Variants in VRK2 observed in about 807,000 individuals in gnomAD.
VRK2 encodes VRK serine/threonine kinase 2, also known as serine/threonine-protein kinase VRK2.
In VRK2, 60 loss-of-function variants were observed where a neutral mutation model predicts 57.6. That is an observed-to-expected ratio of 1.04 (90% CI 0.85 to 1.29). VRK2 has a LOEUF of 1.29. VRK2 is among the 50% of genes most tolerant of loss of function. The pLI is 0.00. For missense variants in VRK2, 705 were observed against 588.1 expected, an observed-to-expected ratio of 1.20 and a Z score of -2.06; for synonymous variants, 231 against 199.2, an observed-to-expected ratio of 1.16 and a Z score of -1.35.
At chr2:57,908,304 C>A (rs990843501) in intron 1 of VRK2, among the ~76,000 whole-genome samples, 5 of 152,004 alleles carry the variant, frequency 3.3e-5, no homozygotes, top group Non-Finnish European at 7.4e-5. Context: ...CTTTTGCCAC[C>A]CATTATTTTC....
intron 1 of VRK2, among the ~76,000 whole-genome samples, chr2:57,944,826 T>TC (rs1053327086): frequency 1.3e-5 from 2 of 151,450 alleles, no homozygotes; most frequent in African/African-American, 4.9e-5. Flanking sequence ...CTTGTTCCCT[T>TC]TTTTTCAAGA....
intron 2 of VRK2, among the ~76,000 whole-genome samples, chr2:58,070,434 G>A (rs1179026064): frequency 5.3e-5 from 8 of 152,034 alleles, no homozygotes; most frequent in Non-Finnish European, 1.2e-4. Flanking sequence ...TAATTTCACT[G>A]CCTTGAAATT....
At chr2:57,964,011 T>C (rs2104004396) in intron 1 of VRK2, among the ~76,000 whole-genome samples, 1 of 152,290 alleles carries the variant, frequency 6.6e-6, no homozygotes, top group East Asian at 1.9e-4. Context: ...TTCATTTTTC[T>C]TCCTAAGCTT....
intron 1 of VRK2, among the ~76,000 whole-genome samples, chr2:57,942,865 T>C (rs181911606): frequency 3.5e-4 from 54 of 152,312 alleles, no homozygotes; most frequent in African/African-American, 1.0e-3. Flanking sequence ...GGCTCCTGCA[T>C]ATATCTCTTG....
chr2:58,012,708 T>C (rs879129870), intron 1 of VRK2, among the ~76,000 whole-genome samples: 4 of 152,104 alleles, frequency 2.6e-5, no homozygotes, highest in Admixed American at 2.6e-4. Flanking sequence ...AATAACAAAA[T>C]ACACACCAGA....
At chr2:58,046,465 G>A, upstream of VRK2, 1 of 982,892 alleles carries the variant, frequency 1.0e-6, no homozygotes, top group Non-Finnish European at 1.2e-6. Flanking sequence ...GTAGTACTCA[G>A]GTTGTGGTAC....
intron 2 of VRK2, among the ~76,000 whole-genome samples, chr2:58,082,623 A>T (rs1253756363): frequency 6.6e-6 from 1 of 151,842 alleles, no homozygotes; most frequent in Non-Finnish European, 1.5e-5. Flanking sequence ...TACTTTCTTA[A>T]GTTTTCTTCT....
intron 2 of VRK2, among the ~76,000 whole-genome samples, chr2:58,061,133 CA>C (rs1336486837): frequency 1.3e-5 from 2 of 151,512 alleles, no homozygotes; most frequent in Non-Finnish European, 3.0e-5. Flanking sequence ...TGTAGAGTTT[CA>C]TAACAAAATT....
chr2:58,137,119 A>G (rs1202477751), intron 10 of VRK2, among the ~76,000 whole-genome samples: 1 of 91,590 alleles, frequency 1.1e-5, no homozygotes, highest in African/African-American at 4.8e-5. Context: ...CATATATCAT[A>G]TATGTGTATA....
intron 1 of VRK2, among the ~76,000 whole-genome samples, chr2:57,952,787 T>C (rs922936687): frequency 4.7e-5 from 7 of 149,704 alleles, no homozygotes; most frequent in Non-Finnish European, 7.4e-5. Context: ...AAATATTGCA[T>C]TGTTAATTGA....
At chr2:58,131,528 G>T (rs767823350) in intron 8 of VRK2, among the ~76,000 whole-genome samples, 2 of 152,010 alleles carry the variant, frequency 1.3e-5, no homozygotes, top group Admixed American at 1.3e-4. Context: ...TCATGTCAGA[G>T]GCCATGGGGA....
chr2:58,080,669 A>T (rs938968205), intron 2 of VRK2, among the ~76,000 whole-genome samples: 8 of 151,648 alleles, frequency 5.3e-5, no homozygotes, highest in African/African-American at 1.9e-4. Flanking sequence ...TATTTGTTCT[A>T]GTCTTTTAAA....
chr2:57,980,606 AATG>A (rs1672392199), intron 1 of VRK2, among the ~76,000 whole-genome samples: 1 of 152,094 alleles, frequency 6.6e-6, no homozygotes, highest in Non-Finnish European at 1.5e-5. Context: ...TTTCTGTCCT[AATG>A]ATTTGTCCAA....
chr2:58,137,120 T>C (rs1324890500), intron 10 of VRK2, among the ~76,000 whole-genome samples: 2 of 108,902 alleles, frequency 1.8e-5, no homozygotes, highest in South Asian at 2.9e-4. Flanking sequence ...ATATATCATA[T>C]ATGTGTATAT....
chr2:58,108,873 G>GT (rs2104397193), intron 7 of VRK2, among the ~76,000 whole-genome samples: 1 of 152,264 alleles, frequency 6.6e-6, no homozygotes, highest in African/African-American at 2.4e-5. Context: ...AGCTTTGCCA[G>GT]TTACTAGAAT....
chr2:58,055,940 G>A (rs965673587), intron 2 of VRK2, among the ~76,000 whole-genome samples: 6 of 152,082 alleles, frequency 3.9e-5, no homozygotes, highest in Non-Finnish European at 8.8e-5. Context: ...ATGCATAAGT[G>A]ACAAAACTTT....
intron 9 of VRK2, among the ~76,000 whole-genome samples, chr2:58,133,214 A>G (rs1035292334): frequency 1.4e-5 from 2 of 147,200 alleles, no homozygotes; most frequent in African/African-American, 5.5e-5. Flanking sequence ...TAATGAATAT[A>G]CCTGCTTATG....
intron 7 of VRK2, among the ~76,000 whole-genome samples, chr2:58,119,639 G>C (rs1677120760): frequency 6.6e-6 from 1 of 151,598 alleles, no homozygotes. Context: ...ACCAAAGGCA[G>C]TCATTCCTAG....
chr2:58,042,084 A>C (rs982123506), upstream of VRK2, among the ~76,000 whole-genome samples: 10 of 152,152 alleles, frequency 6.6e-5, no homozygotes, highest in Non-Finnish European at 1.2e-4. Flanking sequence ...GCATGTCCTT[A>C]ACCTTGGCAA....
Sources: gnomAD v4.1 joint callset for allele counts (sites outside exome capture counted in the v4.1 genomes callset) on GRCh38, gnomAD v4.1.1 for gene constraint, MANE v1.5 for transcripts, NCBI Gene and HGNC (gene_info 2026-07-23, HGNC 2026-07-21) for gene names.